DNAH9: variants seen among roughly 807,000 people sequenced by gnomAD.
DNAH9 encodes the protein DNAH9 variant protein.
Under a neutral mutation model 471.6 loss-of-function variants are expected in DNAH9, and 345 were observed. That is an observed-to-expected ratio of 0.73 (90% CI 0.67 to 0.80). The LOEUF is 0.80. Ranked by LOEUF, DNAH9 falls within the 30% of genes least tolerant of loss-of-function variation. The probability of loss-of-function intolerance (pLI) is 0.00; values close to 1 mark genes in which losing one functional copy is unlikely to be tolerated. For missense variants in DNAH9, 5,407 were observed against 5,609.2 expected, an observed-to-expected ratio of 0.96 and a Z score of 1.15; for synonymous variants, 2,093 against 2,123.6, an observed-to-expected ratio of 0.99 and a Z score of 0.40.
intron 19 of DNAH9, among the ~76,000 whole-genome samples, chr17:11,686,580 CT>C (rs1446057810): frequency 2.0e-5 from 3 of 152,158 alleles, no homozygotes; most frequent in Non-Finnish European, 4.4e-5. Context: ...CCCTTCACAA[CT>C]TAGGCCAAGT....
Position 11,617,436 on chromosome 17 carries a change from T to C in DNAH9, c.930T>C (p.His310=), listed in dbSNP as rs747630938. The part of the protein sequence containing the change: ...VAALAEAQDI[H]VHLIPLQRHL... ...CTCTAGCAGAGGCACAGGACATCCA[T>C]GTGCACCTGATACCGCTCCAGCGCC... The change falls in exon 5 of 69, where the codon CAT becomes CAC. Residue 310 remains histidine, a synonymous_variant. Coordinates refer to ENST00000262442, the MANE Select transcript of DNAH9 (RefSeq NM_001372.4). 13 of 1,614,054 alleles carry C rather than the reference T, an allele frequency of 8.1e-6. No homozygotes were observed. Among genetic ancestry groups the C allele is most frequent in the East Asian group, 6.7e-5 (3 of 44,870 alleles).
intron 4 of DNAH9, among the ~76,000 whole-genome samples, chr17:11,616,991 C>T (rs890814429): frequency 3.3e-5 from 5 of 152,186 alleles, no homozygotes; most frequent in African/African-American, 1.2e-4. Context: ...AAACTGATTA[C>T]AGCTCTGCCT....
At chr17:11,798,812 C>G (rs1018761907) in intron 43 of DNAH9, among the ~76,000 whole-genome samples, 1 of 152,002 alleles carries the variant, frequency 6.6e-6, no homozygotes, top group South Asian at 2.1e-4. Context: ...TTTTTTCTTC[C>G]CCATTCTATG....
intron 9 of DNAH9, 59 bp from the exon 10 acceptor site, chr17:11,640,211 G>A (rs538533741): frequency 2.9e-5 from 30 of 1,017,066 alleles, no homozygotes; most frequent in Admixed American, 6.7e-5. Context: ...GGTGTTTGCC[G>A]AGCGGAGAGG....
intron 1 of DNAH9, among the ~76,000 whole-genome samples, chr17:11,602,058 A>C (rs2072398047): frequency 6.6e-6 from 1 of 152,222 alleles, no homozygotes; most frequent in South Asian, 2.1e-4. Flanking sequence ...TTCCTCCTCC[A>C]ACCACATCAT....
intron 62 of DNAH9, chr17:11,925,438 G>A: frequency 3.6e-6 from 1 of 281,640 alleles, no homozygotes; most frequent in Non-Finnish European, 7.0e-6. Context: ...CCCCTCCCAG[G>A]GCCTCCTTTT....
chr17:11,603,425 T>TA (rs991941969), intron 1 of DNAH9, among the ~76,000 whole-genome samples: 1 of 152,218 alleles, frequency 6.6e-6, no homozygotes, highest in African/African-American at 2.4e-5. Context: ...CACGAACTCT[T>TA]ATGTCCACTT....
intron 67 of DNAH9, among the ~76,000 whole-genome samples, chr17:11,960,592 T>C (rs1597886877): frequency 6.6e-6 from 1 of 151,578 alleles, no homozygotes; most frequent in African/African-American, 2.4e-5. Context: ...AAACCCCATC[T>C]CTACTAAAAA....
intron 45 of DNAH9, among the ~76,000 whole-genome samples, chr17:11,817,896 A>G (rs962756447): frequency 6.6e-6 from 1 of 152,220 alleles, no homozygotes; most frequent in African/African-American, 2.4e-5. Context: ...TTTTTATTTC[A>G]ACCTTTTAAA....
chr17:11,647,727 C>T (rs765649503), intron 12 of DNAH9, among the ~76,000 whole-genome samples: 1 of 152,142 alleles, frequency 6.6e-6, no homozygotes, highest in Non-Finnish European at 1.5e-5. Flanking sequence ...AGTTGGGGGT[C>T]ACAACCTTAA....
rs1971470248 is a variant in DNAH9 at position 11,852,802 on chromosome 17, G to GTA, written c.9508-1200_9508-1199insAT. On this transcript the variant is annotated intron_variant, in intron 49 of 68. Coordinates refer to ENST00000262442, the MANE Select transcript of DNAH9 (RefSeq NM_001372.4). ...ATATATAAGAGATATATATAAGAAA[G>GTA]TGTGTGTGTGTGTATATATATATAT... is the stretch of plus-strand genomic sequence containing the variant. 5.6e-4 allele frequency among the ~76,000 whole-genome samples: 5 copies of GTA among 8,870 alleles called. No homozygotes were observed. In the Admixed American group the frequency reaches 6.0e-3, roughly 11 times the overall value. 5.8% of individuals were successfully genotyped at this position (8,870 alleles called of 152,430 possible).
intron 17 of DNAH9, among the ~76,000 whole-genome samples, chr17:11,673,164 A>G (rs1456659827): frequency 6.6e-6 from 1 of 152,138 alleles, no homozygotes; most frequent in Non-Finnish European, 1.5e-5. Context: ...ATTTTCCTAG[A>G]CACTTCCCAA....
At chr17:11,599,667 C>G (rs2072343611) in intron 1 of DNAH9, among the ~76,000 whole-genome samples, 1 of 152,082 alleles carries the variant, frequency 6.6e-6, no homozygotes, top group African/African-American at 2.4e-5. Context: ...CAGGGAAGTG[C>G]TCCAGAGAGA....
intron 10 of DNAH9, among the ~76,000 whole-genome samples, chr17:11,643,975 A>G (rs2073329316): frequency 6.6e-6 from 1 of 152,252 alleles, no homozygotes; most frequent in Non-Finnish European, 1.5e-5. Context: ...GACACTTACC[A>G]TGAATGGAGC....
chr17:11,601,344 GGAA>G (rs1446552470), intron 1 of DNAH9, among the ~76,000 whole-genome samples: 1 of 141,594 alleles, frequency 7.1e-6, no homozygotes, highest in Non-Finnish European at 1.5e-5. Context: ...AAGAGAGAAA[GGAA>G]GGAGGGAAGG....
intron 14 of DNAH9, among the ~76,000 whole-genome samples, chr17:11,663,393 C>T (rs553280524): frequency 6.6e-6 from 1 of 152,304 alleles, no homozygotes; most frequent in Non-Finnish European, 1.5e-5. Context: ...CTCCACTAAC[C>T]TATGCCATAG....
intron 26 of DNAH9, among the ~76,000 whole-genome samples, chr17:11,711,712 G>T: frequency 6.6e-6 from 1 of 150,642 alleles, no homozygotes. Flanking sequence ...AACTTCATTT[G>T]GAAGAAACAG....
intron 36 of DNAH9, among the ~76,000 whole-genome samples, chr17:11,765,593 A>G (rs1967900043): frequency 6.6e-6 from 1 of 152,162 alleles, no homozygotes; most frequent in Non-Finnish European, 1.5e-5. Context: ...TGCCCTCCCC[A>G]GAGACAGATG....
At chr17:11,834,955 C>T in intron 49 of DNAH9, 57 bp downstream of exon 49, 1 of 1,573,092 alleles carries the variant, frequency 6.4e-7, no homozygotes, top group African/African-American at 1.4e-5. Flanking sequence ...GACGCAGAGA[C>T]CACCTTGGCA....
Sources: allele counts gnomAD v4.1 joint callset (sites outside exome capture counted in the v4.1 genomes callset), GRCh38; gene constraint gnomAD v4.1.1; transcripts MANE v1.5; gene names NCBI Gene and HGNC (gene_info 2026-07-23, HGNC 2026-07-21).